Variants in ZDHHC4 observed in about 807,000 individuals in gnomAD.
The protein encoded by ZDHHC4 is palmitoyltransferase ZDHHC4.
Under a neutral mutation model 36.7 loss-of-function variants are expected in ZDHHC4, and 42 were observed. That is an observed-to-expected ratio of 1.14 (90% CI 0.89 to 1.48). ZDHHC4 has a LOEUF of 1.48. ZDHHC4 is among the 40% of genes most tolerant of loss of function. The probability of loss-of-function intolerance (pLI) is 0.00; values close to 1 mark genes in which losing one functional copy is unlikely to be tolerated. For synonymous variants in ZDHHC4, 189 were observed against 166.6 expected, an observed-to-expected ratio of 1.13 and a Z score of -1.03; for missense variants, 457 against 421.5, an observed-to-expected ratio of 1.08 and a Z score of -0.74.
At chr7:6,587,263 T>C (rs906071062) in intron 7 of ZDHHC4, among the ~76,000 whole-genome samples, 1 of 152,196 alleles carries the variant, frequency 6.6e-6, no homozygotes, top group Non-Finnish European at 1.5e-5. Context: ...TCTTTTGTTA[T>C]ACTGTTTTTT....
At chr7:6,583,091 A>C (rs1780975986) in intron 5 of ZDHHC4, among the ~76,000 whole-genome samples, 1 of 152,150 alleles carries the variant, frequency 6.6e-6, no homozygotes. Context: ...TACGTGGGAG[A>C]ATCACCTGAA....
At chr7:6,579,143 T>A (rs974815096) in intron 2 of ZDHHC4, among the ~76,000 whole-genome samples, 1 of 122,106 alleles carries the variant, frequency 8.2e-6, no homozygotes, top group African/African-American at 3.7e-5. Flanking sequence ...ACCTTTTTTT[T>A]CTTCTTTTTT....
At chr7:6,580,229 G>A (rs560700495) in intron 2 of ZDHHC4, among the ~76,000 whole-genome samples, 2 of 151,982 alleles carry the variant, frequency 1.3e-5, no homozygotes, top group Admixed American at 6.6e-5. Flanking sequence ...TCGAACTCCT[G>A]AGCTCAAGCG....
chr7:6,583,886 C>T (rs886120680), intron 6 of ZDHHC4: 3 of 153,152 alleles, frequency 2.0e-5, no homozygotes, highest in African/African-American at 7.2e-5. Flanking sequence ...GCTTGGGCAC[C>T]ATGGGGAAAC....
chr7:6,577,531 T>G (rs1159715438), intron 1 of ZDHHC4, 33 bp downstream of exon 1: 1 of 152,210 alleles, frequency 6.6e-6, no homozygotes, highest in Non-Finnish European at 1.5e-5. Flanking sequence ...GTGGGAAGCT[T>G]GGGCTGTCCC....
At chr7:6,581,553 G>C in intron 3 of ZDHHC4, 54 bp from the exon 4 acceptor site, 3 of 1,378,056 alleles carry the variant, frequency 2.2e-6, no homozygotes, top group Non-Finnish European at 3.1e-6. Context: ...GATTTGTTTG[G>C]GAGTGGAGGA....
In ZDHHC4 at chr7:6,577,501, A is replaced by G. The variant is rs927269546; in HGVS notation, c.-163+3A>G. ...GCGCCGGAGCCCAGCGGCTGGCGGT[A>G]AGGCCGCCTCCGCGGGGCTGTGGGA... On this transcript the variant is annotated splice_donor_region_variant and intron_variant, in intron 1 of 7. Transcript: ENST00000335965. 3.4e-4 allele frequency: 51 copies of G among 152,172 alleles called. No homozygotes were observed. The highest frequency in any genetic ancestry group is 1.2e-3 in the African/African-American group (48 of 41,444). The allele number at this position is 152,172 out of a possible 1,614,324, so 9.4% of individuals were successfully genotyped here.
intron 6 of ZDHHC4, 143 bp downstream of exon 6, chr7:6,583,574 A>C: frequency 8.5e-7 from 1 of 1,172,690 alleles, no homozygotes; most frequent in Admixed American, 3.2e-5. Context: ...AGTTGAGATA[A>C]TGGTTTCTTT....
intron 5 of ZDHHC4, among the ~76,000 whole-genome samples, chr7:6,583,081 T>G (rs1222179837): frequency 6.6e-6 from 1 of 151,836 alleles, no homozygotes; most frequent in Non-Finnish European, 1.5e-5. Flanking sequence ...TCAGGAGGCT[T>G]ACGTGGGAGA....
At chr7:6,580,468 G>T in intron 2 of ZDHHC4, 87 bp from the exon 3 acceptor site, 1 of 1,067,394 alleles carries the variant, frequency 9.4e-7, no homozygotes, top group Non-Finnish European at 1.4e-6. Context: ...TGTTTTGGTA[G>T]CCATTTGGGA....
intron 6 of ZDHHC4, 43 bp from the exon 7 acceptor site, chr7:6,584,973 C>T (rs377752915): frequency 2.2e-5 from 36 of 1,607,750 alleles, no homozygotes; most frequent in South Asian, 2.1e-4. Flanking sequence ...GTCCTTGTCT[C>T]GTCAAGCACC....
At chr7:6,577,707 G>C (rs1339115523) in intron 1 of ZDHHC4, 1 of 152,288 alleles carries the variant, frequency 6.6e-6, no homozygotes, top group Non-Finnish European at 1.5e-5. Flanking sequence ...TCTCCGACCA[G>C]GCCCGCCCAG....
intron 7 of ZDHHC4, among the ~76,000 whole-genome samples, chr7:6,587,323 G>GT (rs1781310342): frequency 6.6e-6 from 1 of 151,990 alleles, no homozygotes; most frequent in Non-Finnish European, 1.5e-5. Context: ...GTTTTTTGGG[G>GT]TTTTTTGGTA....
intron 3 of ZDHHC4, chr7:6,581,125 C>A (rs1255442365): frequency 1.7e-5 from 4 of 236,288 alleles, no homozygotes; most frequent in South Asian, 1.6e-4. Flanking sequence ...CCGCCTGGGG[C>A]ACTTAATGGG....
intron 2 of ZDHHC4, among the ~76,000 whole-genome samples, chr7:6,579,213 T>C (rs1221003864): frequency 1.3e-5 from 2 of 151,922 alleles, no homozygotes; most frequent in Admixed American, 6.6e-5. Context: ...TTCTTTTTTT[T>C]TTTTTGAAAC....
chr7:6,582,243 C>G lies in ZDHHC4; in HGVS notation c.362C>G (p.Thr121Ser). ...TTTTTTTTCACCCTGACTTGTGGAA[C>G]CAATCCTGGTAAGTTGAGGCTCTTA... ...NLFFFTLTCGTNPGIITKANE... is the reference protein window; with the variant it reads ...NLFFFTLTCGSNPGIITKANE... Residue 121 changes from threonine to serine, a missense_variant, in exon 5 of 8, where the codon ACC becomes AGC. Coordinates refer to ENST00000335965, the MANE Select transcript of ZDHHC4 (RefSeq NM_001134389.2). 6.2e-7 allele frequency: 1 copy of G among 1,613,950 alleles called. No homozygotes were observed. Among genetic ancestry groups the G allele is most frequent in the Non-Finnish European group, 8.5e-7 (1 of 1,179,912 alleles).
At chr7:6,586,465 G>A (rs1401990753) in intron 7 of ZDHHC4, among the ~76,000 whole-genome samples, 4 of 152,030 alleles carry the variant, frequency 2.6e-5, no homozygotes, top group East Asian at 1.9e-4. Flanking sequence ...CATGTAGCAC[G>A]AATCTACTTC....
Position 6,582,262 on chromosome 7 carries a change from G to A in ZDHHC4, c.370+11G>A, listed in dbSNP as rs1019659600. ...GTGGAACCAATCCTGGTAAGTTGAGGCTCTTAGCATACAGCATGGTGACAG... is the reference window on the plus strand; with the variant it reads ...GTGGAACCAATCCTGGTAAGTTGAGACTCTTAGCATACAGCATGGTGACAG... On this transcript the variant is annotated intron_variant, in intron 5 of 7. Coordinates refer to ENST00000335965, the MANE Select transcript of ZDHHC4 (RefSeq NM_001134389.2). 6.2e-7 allele frequency: 1 copy of A among 1,613,006 alleles called. No individual in the cohort carries two copies. The highest frequency in any genetic ancestry group is 8.5e-7 in the Non-Finnish European group (1 of 1,179,384).
Position 6,585,015 on chromosome 7 carries a change from G to C in ZDHHC4, c.497-1G>C. 1 of 1,614,118 alleles carries C rather than the reference G, an allele frequency of 6.2e-7. No homozygotes were observed. Among genetic ancestry groups the C allele is most frequent in the South Asian group, 1.1e-5 (1 of 91,072 alleles). ...GCACGTGCCCCCTTGTTTCTGTGCAGGTGTGTGTAACTGGTGTGTGCACCG... is the reference window on the plus strand; with the variant it reads ...GCACGTGCCCCCTTGTTTCTGTGCACGTGTGTGTAACTGGTGTGTGCACCG... On this transcript the variant is annotated splice_acceptor_variant, in intron 6 of 7. Coordinates refer to ENST00000335965, the MANE Select transcript of ZDHHC4 (RefSeq NM_001134389.2). LOFTEE classifies it high-confidence loss of function.
Sources: allele counts gnomAD v4.1 joint callset (sites outside exome capture counted in the v4.1 genomes callset), GRCh38; gene constraint gnomAD v4.1.1; transcripts MANE v1.5; gene names NCBI Gene and HGNC (gene_info 2026-07-23, HGNC 2026-07-21).